MYCBP2: variants seen among roughly 807,000 people sequenced by gnomAD.
MYCBP2 encodes E3 ubiquitin-protein ligase MYCBP2.
A neutral mutation model predicts 525.3 loss-of-function variants in MYCBP2; 120 were observed. That is an observed-to-expected ratio of 0.23 (90% CI 0.20 to 0.27). MYCBP2 has a LOEUF of 0.27. Among genes scored for constraint, MYCBP2 ranks in the 10% least tolerant of loss-of-function variants. The pLI is 1.00. For synonymous variants in MYCBP2, 1,894 were observed against 1,955.8 expected (o/e 0.97, Z 0.83); for missense variants, 4,149 against 5,657.1 (o/e 0.73, Z 8.55).
In MYCBP2 at chr13:77,287,995, CAG is replaced by C. The variant is rs1219242896; in HGVS notation, c.594+164_594+165del. 2.0e-5 allele frequency among the ~76,000 whole-genome samples: 3 copies of C among 152,328 alleles called. No homozygotes were observed. In the East Asian group the frequency reaches 5.8e-4, roughly 29 times the overall value. On this transcript the variant is annotated intron_variant, in intron 3 of 82. Coordinates refer to ENST00000544440, the MANE Select transcript of MYCBP2 (RefSeq NM_015057.5). The stretch of plus-strand genomic sequence containing the variant: ...TGTTAGCACCTTAGTTATAAAGTTG[CAG>C]AGTTTTCCTTTTCTGCTCCAAATCT...
intron 56 of MYCBP2, among the ~76,000 whole-genome samples, chr13:77,097,129 C>T (rs576360310): frequency 6.6e-6 from 1 of 152,260 alleles, no homozygotes; most frequent in East Asian, 1.9e-4. Context: ...TTGGGTAACA[C>T]ATAATATTTT....
rs748888515 is a variant in MYCBP2, at chr13:77,171,683, T to C, written c.5652-49A>G. Reference sequence around the variant, plus strand: ...TTATTTTACAATGGTAAGTAAAACATGATCCAGTGCCAGAAATCATATCTA... The same window carrying C: ...TTATTTTACAATGGTAAGTAAAACACGATCCAGTGCCAGAAATCATATCTA... On this transcript the variant is annotated intron_variant, in intron 37 of 82. Coordinates refer to ENST00000544440, the MANE Select transcript of MYCBP2 (RefSeq NM_015057.5). 30 of 1,566,384 alleles carry C rather than the reference T, an allele frequency of 1.9e-5. 1 individual carries two copies. The South Asian group carries it at 3.2e-4, about 17-fold the overall frequency.
At chr13:77,100,087 A>C (rs992183008) in intron 55 of MYCBP2, 2 of 152,132 alleles carry the variant, frequency 1.3e-5, no homozygotes, top group East Asian at 3.9e-4. Context: ...TAAAAAACTG[A>C]AAATCCATAA....
intron 54 of MYCBP2, among the ~76,000 whole-genome samples, chr13:77,122,689 C>CAAAA (rs771487864): frequency 3.8e-5 from 2 of 52,384 alleles, no homozygotes; most frequent in African/African-American, 1.2e-4. Context: ...GACTCCATCT[C>CAAAA]AAAAAAAAAA....
intron 58 of MYCBP2, 38 bp downstream of exon 58, chr13:77,095,320 C>A (rs765562481): frequency 6.2e-7 from 1 of 1,609,000 alleles, no homozygotes. Flanking sequence ...CGCTGTTAAT[C>A]CAAAGGTGAT....
chr13:77,248,860 C>G (rs9544440), intron 15 of MYCBP2, among the ~76,000 whole-genome samples: 96,395 of 152,060 alleles, frequency 0.63, 32,834 homozygotes, highest in Admixed American at 0.76. Context: ...TGGAAGCAAC[C>G]AAAGTGTTCA....
chr13:77,266,886 T>C (rs939465647), intron 8 of MYCBP2, among the ~76,000 whole-genome samples: 7 of 151,892 alleles, frequency 4.6e-5, no homozygotes, highest in African/African-American at 9.7e-5. Flanking sequence ...TACTTTAACA[T>C]AGTGTCATGT....
At chr13:77,254,063 C>T (rs943780301) in intron 14 of MYCBP2, among the ~76,000 whole-genome samples, 2 of 151,556 alleles carry the variant, frequency 1.3e-5, no homozygotes, top group African/African-American at 4.8e-5. Flanking sequence ...TAACATGAAT[C>T]ATTTAGATTT....
intron 8 of MYCBP2, among the ~76,000 whole-genome samples, chr13:77,264,828 T>G (rs2073847266): frequency 1.3e-5 from 2 of 151,990 alleles, no homozygotes; most frequent in South Asian, 2.1e-4. Context: ...ATAAATTCTG[T>G]CCTTTTGGAA....
intron 3 of MYCBP2, among the ~76,000 whole-genome samples, chr13:77,279,142 G>T (rs1028242165): frequency 6.6e-6 from 1 of 152,114 alleles, no homozygotes; most frequent in African/African-American, 2.4e-5. Context: ...TTGTACTCAA[G>T]GAAAATTCAG....
At chr13:77,118,336 TTAC>T (rs750090607) in intron 55 of MYCBP2, 1 of 755,674 alleles carries the variant, frequency 1.3e-6, no homozygotes, top group Non-Finnish European at 2.4e-6. Context: ...GCTGACAGAC[TTAC>T]TCTGAAGCTG....
intron 4 of MYCBP2, among the ~76,000 whole-genome samples, chr13:77,276,191 T>C (rs2075557557): frequency 6.6e-6 from 1 of 152,108 alleles, no homozygotes; most frequent in East Asian, 1.9e-4. Flanking sequence ...AATATATGGA[T>C]ATAAGGAAAT....
chr13:77,200,169 A>G (rs918644788), intron 26 of MYCBP2, among the ~76,000 whole-genome samples: 231 of 151,926 alleles, frequency 1.5e-3, no homozygotes, highest in Non-Finnish European at 3.0e-3. Flanking sequence ...ATGTATAACT[A>G]GAATAACCAA....
In MYCBP2 at chr13:77,098,890, T is replaced by G; in HGVS notation, c.8264A>C (p.Gln2755Pro). Residue 2755 changes from glutamine to proline, a missense_variant, in exon 56 of 83, where the codon CAG becomes CCG. Gln to Pro is a moderately conservative substitution (Grantham distance 76). Transcript: ENST00000544440. ...DGRMSRTTADQKKPRGTESLS... is the reference protein window; with the variant it reads ...DGRMSRTTADPKKPRGTESLS... ...ACTTTCTGTGCCCCTTGGCTTCTTC[T>G]GATCAGCAGTAGTCCGGCTCATACG... is the stretch of plus-strand genomic sequence containing the variant. 6.2e-7 allele frequency: 1 copy of G among 1,613,742 alleles called. No homozygotes were observed. Among genetic ancestry groups the G allele is most frequent in the Non-Finnish European group, 8.5e-7 (1 of 1,179,752 alleles).
chr13:77,085,771 C>T (rs1357912950), intron 62 of MYCBP2, among the ~76,000 whole-genome samples: 3 of 152,162 alleles, frequency 2.0e-5, no homozygotes, highest in Non-Finnish European at 4.4e-5. Flanking sequence ...GGGGGTACCA[C>T]TTGAAGCACA....
intron 10 of MYCBP2, 118 bp from the exon 11 acceptor site, chr13:77,262,247 C>A: frequency 2.6e-6 from 2 of 779,688 alleles, no homozygotes; most frequent in South Asian, 2.3e-5. Context: ...ACAAGGATGA[C>A]AAAATGTCAT....
At chr13:77,047,929 G>A (rs1399813192) in intron 82 of MYCBP2, among the ~76,000 whole-genome samples, 2 of 151,900 alleles carry the variant, frequency 1.3e-5, no homozygotes, top group African/African-American at 2.4e-5. Context: ...TCCTGTTTGG[G>A]CCCCCCTCTC....
intron 2 of MYCBP2, among the ~76,000 whole-genome samples, chr13:77,293,693 A>G (rs2077728610): frequency 6.6e-6 from 1 of 152,124 alleles, no homozygotes; most frequent in African/African-American, 2.4e-5. Context: ...GAGGAGATAA[A>G]ACAACAGAAA....
At chr13:77,123,929 G>A (rs2051194742) in intron 54 of MYCBP2, among the ~76,000 whole-genome samples, 1 of 152,116 alleles carries the variant, frequency 6.6e-6, no homozygotes. Flanking sequence ...CACATAGTAA[G>A]TGAAAAAGTC....
Sources: gnomAD v4.1 joint callset for allele counts (sites outside exome capture counted in the v4.1 genomes callset) on GRCh38, gnomAD v4.1.1 for gene constraint, MANE v1.5 for transcripts, NCBI Gene and HGNC (gene_info 2026-07-23, HGNC 2026-07-21) for gene names.